DPP10: variants seen among roughly 807,000 people sequenced by gnomAD.
DPP10 encodes the protein inactive dipeptidyl peptidase 10.
A neutral mutation model predicts 120.9 loss-of-function variants in DPP10; 33 were observed. The ratio of observed to expected loss-of-function variants is 0.27; its 90% CI spans 0.21 to 0.37. The LOEUF (loss-of-function observed/expected upper bound fraction) is 0.37, where lower values mean the gene tolerates loss of function less well. Among genes scored for constraint, DPP10 ranks in the 10% least tolerant of loss-of-function variants. The probability of loss-of-function intolerance (pLI) is 1.00; values close to 1 mark genes in which losing one functional copy is unlikely to be tolerated. For synonymous variants in DPP10, 337 were observed against 326.1 expected (o/e 1.03, Z -0.36); for missense variants, 816 against 942.8 (o/e 0.87, Z 1.76).
At chr2:114,898,267 A>G (rs1200711739) in intron 1 of DPP10, among the ~76,000 whole-genome samples, 2 of 151,540 alleles carry the variant, frequency 1.3e-5, no homozygotes, top group Non-Finnish European at 2.9e-5. Context: ...CAAACACTGC[A>G]TATTCTCACT....
chr2:115,455,764 A>G (rs943265558), intron 3 of DPP10, among the ~76,000 whole-genome samples: 2 of 152,206 alleles, frequency 1.3e-5, no homozygotes, highest in Non-Finnish European at 1.5e-5. Context: ...GTCTAGCCAT[A>G]TGTAGAAAGC....
intron 1 of DPP10, among the ~76,000 whole-genome samples, chr2:114,621,223 G>A (rs910199940): frequency 2.0e-5 from 3 of 152,060 alleles, no homozygotes; most frequent in Non-Finnish European, 4.4e-5. Context: ...CTTTTCCAGA[G>A]GAGAGGGAGA....
At chr2:114,894,567 T>A (rs1172871700) in intron 1 of DPP10, among the ~76,000 whole-genome samples, 2 of 152,182 alleles carry the variant, frequency 1.3e-5, no homozygotes, top group Non-Finnish European at 2.9e-5. Flanking sequence ...GTCTAAAGGA[T>A]ATTTGGGAAG....
intron 7 of DPP10, among the ~76,000 whole-genome samples, chr2:115,702,007 T>G (rs928801449): frequency 4.6e-5 from 7 of 152,172 alleles, no homozygotes; most frequent in African/African-American, 4.8e-5. Flanking sequence ...AGCTAACATT[T>G]CATGCCTATA....
intron 1 of DPP10, among the ~76,000 whole-genome samples, chr2:114,838,309 A>G (rs1687895921): frequency 6.6e-6 from 1 of 151,960 alleles, no homozygotes; most frequent in Non-Finnish European, 1.5e-5. Flanking sequence ...TCTTGTTTTT[A>G]TTTATTTTAT....
intron 1 of DPP10, among the ~76,000 whole-genome samples, chr2:114,834,571 A>G (rs1687486409): frequency 6.9e-6 from 1 of 145,824 alleles, no homozygotes; most frequent in Admixed American, 6.9e-5. Context: ...ACCTATGTAT[A>G]TATAAGCCAT....
At chr2:115,227,738 G>T (rs1365003133) in intron 1 of DPP10, among the ~76,000 whole-genome samples, 2 of 152,040 alleles carry the variant, frequency 1.3e-5, no homozygotes, top group Non-Finnish European at 1.5e-5. Context: ...TGTGGTGTGT[G>T]TATCAGTCTC....
intron 1 of DPP10, among the ~76,000 whole-genome samples, chr2:114,486,321 T>G (rs1681519107): frequency 6.6e-6 from 1 of 152,172 alleles, no homozygotes; most frequent in African/African-American, 2.4e-5. Context: ...CATTTCCTTG[T>G]GGCCAAATTA....
At position 114,923,484 on chromosome 2, in the gene DPP10, T is replaced by C. The variant is rs567016636; in HGVS notation, c.61-385755T>C. Among the ~76,000 whole-genome samples, 5 of 132,922 alleles carry C rather than the reference T, an allele frequency of 3.8e-5. No homozygotes were observed. The East Asian group carries it at 1.1e-3, about 28-fold the overall frequency. The allele number at this position is 132,922 out of a possible 152,430, so 87.2% of individuals were successfully genotyped here. On this transcript the variant is annotated intron_variant, in intron 1 of 25. Coordinates refer to ENST00000410059, the MANE Select transcript of DPP10 (RefSeq NM_020868.6). ...TTGGCCTTTTTTCCTTTTTTTTTTT[T>C]TTTTTTTTTTTTTTGACAGAGTCTC...
intron 5 of DPP10, among the ~76,000 whole-genome samples, chr2:115,597,915 A>C (rs1178650842): frequency 6.6e-6 from 1 of 152,064 alleles, no homozygotes; most frequent in Non-Finnish European, 1.5e-5. Context: ...TCTCCCTTGA[A>C]ATCTTTCAGA....
chr2:115,088,212 A>T (rs1708888348), intron 1 of DPP10, among the ~76,000 whole-genome samples: 1 of 152,092 alleles, frequency 6.6e-6, no homozygotes, highest in Non-Finnish European at 1.5e-5. Context: ...TCCTAACACC[A>T]TCACCTTGGG....
At chr2:115,536,420 T>G in intron 5 of DPP10, among the ~76,000 whole-genome samples, 1 of 152,030 alleles carries the variant, frequency 6.6e-6, no homozygotes, top group East Asian at 1.9e-4. Flanking sequence ...TTATAGATAG[T>G]TGACAGATTA....
chr2:114,605,451 C>A (rs986658218), intron 1 of DPP10, among the ~76,000 whole-genome samples: 3 of 152,100 alleles, frequency 2.0e-5, no homozygotes. Context: ...ATATGTTTTA[C>A]TTCCTTATGA....
chr2:114,474,542 G>A (rs1443854785), intron 1 of DPP10, among the ~76,000 whole-genome samples: 2 of 152,150 alleles, frequency 1.3e-5, no homozygotes, highest in Non-Finnish European at 2.9e-5. Flanking sequence ...ACAGGGCTCT[G>A]TGCAACACAG....
intron 3 of DPP10, among the ~76,000 whole-genome samples, chr2:115,377,671 T>A (rs1323620375): frequency 6.6e-6 from 1 of 152,102 alleles, no homozygotes; most frequent in African/African-American, 2.4e-5. Flanking sequence ...TCTTCTAGGG[T>A]TTTTATGGTT....
At chr2:115,206,688 G>A (rs2056155405) in intron 1 of DPP10, among the ~76,000 whole-genome samples, 1 of 152,052 alleles carries the variant, frequency 6.6e-6, no homozygotes, top group South Asian at 2.1e-4. Flanking sequence ...GATGGGTTGT[G>A]GGCAACCATT....
At chr2:115,225,773 A>G (rs754515593) in intron 1 of DPP10, among the ~76,000 whole-genome samples, 7 of 151,914 alleles carry the variant, frequency 4.6e-5, no homozygotes, top group Non-Finnish European at 7.4e-5. Flanking sequence ...ATCAGCATAT[A>G]TTGATTTTTG....
chr2:115,249,577 T>G (rs141157865), intron 1 of DPP10, among the ~76,000 whole-genome samples: 1 of 152,246 alleles, frequency 6.6e-6, no homozygotes, highest in Non-Finnish European at 1.5e-5. Flanking sequence ...AATAATTTCA[T>G]TGGGTAACTT....
At chr2:115,162,227 C>G in intron 1 of DPP10, 1 of 1,559,668 alleles carries the variant, frequency 6.4e-7, no homozygotes, top group Non-Finnish European at 8.7e-7. Context: ...CGGGGCCCGG[C>G]GAGAGGATGC....
Sources: allele counts gnomAD v4.1 joint callset (sites outside exome capture counted in the v4.1 genomes callset), GRCh38; gene constraint gnomAD v4.1.1; transcripts MANE v1.5; gene names NCBI Gene and HGNC (gene_info 2026-07-23, HGNC 2026-07-21).